Variants in KANSL1 observed in about 807,000 individuals in gnomAD.
The protein encoded by KANSL1 is MLL1/MLL complex subunit KANSL1.
Under a neutral mutation model 103.6 loss-of-function variants are expected in KANSL1, and 22 were observed. The observed-to-expected ratio is 0.21, with a 90% CI of 0.15 to 0.30. KANSL1 has a LOEUF of 0.30. KANSL1 is among the 10% of genes least tolerant of loss of function. KANSL1 has a pLI of 1.00. For synonymous variants in KANSL1, 600 were observed against 527.6 expected (o/e 1.14, Z -1.88); for missense variants, 1,337 against 1,399.8 (o/e 0.96, Z 0.72).
chr17:46,220,148 C>G (rs1412419183), intron 1 of KANSL1, among the ~76,000 whole-genome samples: 1 of 152,218 alleles, frequency 6.6e-6, no homozygotes, highest in Non-Finnish European at 1.5e-5. Context: ...TCAGTTAGAA[C>G]CCTTGCCATT....
At chr17:46,147,348 TG>T (rs1169071699) in intron 2 of KANSL1, among the ~76,000 whole-genome samples, 1 of 151,956 alleles carries the variant, frequency 6.6e-6, no homozygotes, top group Non-Finnish European at 1.5e-5. Flanking sequence ...CCAAGGTGGG[TG>T]GATCACTTGA....
At chr17:46,122,402 G>A (rs1157037037) in intron 2 of KANSL1, among the ~76,000 whole-genome samples, 1 of 152,172 alleles carries the variant, frequency 6.6e-6, no homozygotes, top group Non-Finnish European at 1.5e-5. Flanking sequence ...TAAAGATAAA[G>A]ATGCATTCAG....
At chr17:46,150,248 A>G (rs2045017132) in intron 2 of KANSL1, among the ~76,000 whole-genome samples, 1 of 151,108 alleles carries the variant, frequency 6.6e-6, no homozygotes, top group Admixed American at 6.6e-5. Context: ...TTGTATACAG[A>G]ATGTCCTTTC....
In KANSL1 at chr17:46,170,987, C is replaced by A. The variant is rs143589497; in HGVS notation, c.1157G>T (p.Ser386Ile). ...ISEELERFTA[S>I]GIANLRCSEQ... ...ACTGCACCTCAAGTTGGCTATGCCACTAGCTGTAAATCTCTCCAATTCTTC... is the reference window on the plus strand; with the variant it reads ...ACTGCACCTCAAGTTGGCTATGCCAATAGCTGTAAATCTCTCCAATTCTTC... Residue 386 changes from serine to isoleucine, a missense_variant, in exon 2 of 15, where the codon AGT becomes ATT. Transcript: ENST00000432791. 172 of 1,614,048 alleles carry A rather than the reference C, an allele frequency of 1.1e-4. No individual in the cohort carries two copies. Among genetic ancestry groups the A allele is most frequent in the Non-Finnish European group, 1.4e-4 (165 of 1,180,018 alleles).
intron 1 of KANSL1, among the ~76,000 whole-genome samples, chr17:46,210,500 A>ACTCTTGAT (rs1567806911): frequency 1.7e-5 from 1 of 58,586 alleles, no homozygotes; most frequent in African/African-American, 6.3e-5. Context: ...AAAAAAAAAA[A>ACTCTTGAT]AAGACCTGAG....
chr17:46,134,562 AG>A (rs1330966446), intron 2 of KANSL1, among the ~76,000 whole-genome samples: 1 of 151,030 alleles, frequency 6.6e-6, no homozygotes, highest in African/African-American at 2.4e-5. Flanking sequence ...CGAGGAGGCC[AG>A]GTGTGGTGGC....
intron 1 of KANSL1, among the ~76,000 whole-genome samples, chr17:46,186,964 G>A (rs117367876): frequency 2.5e-3 from 384 of 151,998 alleles, no homozygotes; most frequent in Non-Finnish European, 3.9e-3. Flanking sequence ...TCAAACTCCT[G>A]ACCTCAGGTG....
intron 2 of KANSL1, among the ~76,000 whole-genome samples, chr17:46,100,201 T>G (rs1341134874): frequency 2.6e-5 from 4 of 152,208 alleles, no homozygotes; most frequent in Non-Finnish European, 5.9e-5. Context: ...GGTTTTTTGT[T>G]GTTTTCTTCA....
chr17:46,100,891 A>G (rs2042284558), intron 2 of KANSL1, among the ~76,000 whole-genome samples: 1 of 152,208 alleles, frequency 6.6e-6, no homozygotes, highest in South Asian at 2.1e-4. Context: ...TTTGATTCTG[A>G]TTTCAGTCCC....
At chr17:46,197,244 C>G (rs1313661153), upstream of KANSL1, among the ~76,000 whole-genome samples, 1 of 152,244 alleles carries the variant, frequency 6.6e-6, no homozygotes, top group Non-Finnish European at 1.5e-5. Context: ...AGGACCATCC[C>G]TCATTACCAC....
intron 1 of KANSL1, among the ~76,000 whole-genome samples, chr17:46,202,191 T>TA (rs56382917): frequency 4.6e-5 from 7 of 151,518 alleles, no homozygotes; most frequent in Non-Finnish European, 8.8e-5. Context: ...AAGAAAAAGG[T>TA]AAAAAAAAGA....
intron 1 of KANSL1, among the ~76,000 whole-genome samples, chr17:46,203,104 C>T (rs1315159804): frequency 1.3e-5 from 2 of 152,076 alleles, no homozygotes; most frequent in Non-Finnish European, 2.9e-5. Context: ...TGGTGGCATG[C>T]GCCTGTAGTC....
intron 2 of KANSL1, among the ~76,000 whole-genome samples, chr17:46,132,797 G>A (rs1371759456): frequency 6.6e-6 from 1 of 152,154 alleles, no homozygotes; most frequent in Non-Finnish European, 1.5e-5. Context: ...ACAAGAATTA[G>A]CTAGGCATGG....
At chr17:46,189,031 C>CAAAAAAAAAAAAATAAAAAAA (rs2047171861) in intron 1 of KANSL1, among the ~76,000 whole-genome samples, 1 of 62,414 alleles carries the variant, frequency 1.6e-5, no homozygotes, top group Non-Finnish European at 2.6e-5. Flanking sequence ...AAGATTGTCT[C>CAAAAAAAAAAAAATAAAAAAA]AAAAAAAAAA....
chr17:46,151,453 T>C (rs2045097206), intron 2 of KANSL1, among the ~76,000 whole-genome samples: 1 of 152,236 alleles, frequency 6.6e-6, no homozygotes, highest in Non-Finnish European at 1.5e-5. Flanking sequence ...ACCCTATTAA[T>C]ATAGACATCT....
chr17:46,153,864 A>C (rs1023148654), intron 2 of KANSL1, among the ~76,000 whole-genome samples: 1 of 152,246 alleles, frequency 6.6e-6, no homozygotes, highest in South Asian at 2.1e-4. Flanking sequence ...AGGTAAGAAA[A>C]GAGTGAAAAA....
chr17:46,223,222 T>G (rs1214509383), intron 1 of KANSL1: 1 of 152,392 alleles, frequency 6.6e-6, no homozygotes, highest in Non-Finnish European at 1.5e-5. Context: ...ATATGAAGTT[T>G]CAGAGTAAAC....
chr17:46,116,041 C>T (rs368922813), intron 2 of KANSL1, among the ~76,000 whole-genome samples: 7 of 152,264 alleles, frequency 4.6e-5, no homozygotes, highest in African/African-American at 1.4e-4. Context: ...GAATCATAGA[C>T]GAGAAGAATC....
chr17:46,039,868 C>G lies in KANSL1; in HGVS notation c.2037G>C (p.Leu679=), dbSNP rs779238853. 3.1e-6 allele frequency: 5 copies of G among 1,614,162 alleles called. No homozygotes were observed. The highest frequency in any genetic ancestry group is 4.2e-6 in the Non-Finnish European group (5 of 1,180,020). The change falls in exon 8 of 15, where the codon CTG becomes CTC. Residue 679 remains leucine, a synonymous_variant. Transcript: ENST00000432791. ...LAFPDDVPTS[L]HFQSMLKSQW... is the part of the protein sequence containing the mutation. ...GAGATTTCAGCATGCTCTGGAAATG[C>G]AGGCTTGTGGGAACATCTGCAAGAA...
Sources: allele counts gnomAD v4.1 joint callset (sites outside exome capture counted in the v4.1 genomes callset), GRCh38; gene constraint gnomAD v4.1.1; transcripts MANE v1.5; gene names NCBI Gene and HGNC (gene_info 2026-07-23, HGNC 2026-07-21).